MAP2K1: variants seen among roughly 807,000 people sequenced by gnomAD.
MAP2K1 encodes dual specificity mitogen-activated protein kinase kinase 1.
In MAP2K1, 16 loss-of-function variants were observed where a neutral mutation model predicts 46.3. The observed-to-expected ratio is 0.35, with a 90% CI of 0.23 to 0.52. MAP2K1 has a LOEUF of 0.52. MAP2K1 is among the 20% of genes least tolerant of loss of function. MAP2K1 has a pLI of 0.94. For synonymous variants in MAP2K1, 183 were observed against 185.6 expected (o/e 0.99, Z 0.11); for missense variants, 263 against 497.1 (o/e 0.53, Z 4.48).
At chr15:66,441,245 C>T (rs1354357170) in intron 3 of MAP2K1, among the ~76,000 whole-genome samples, 1 of 152,142 alleles carries the variant, frequency 6.6e-6, no homozygotes, top group East Asian at 1.9e-4. Flanking sequence ...GGATTACAGG[C>T]ATGAGCCACT....
chr15:66,478,607 T>A (rs1297469185), intron 5 of MAP2K1, among the ~76,000 whole-genome samples: 1 of 151,462 alleles, frequency 6.6e-6, no homozygotes, highest in Non-Finnish European at 1.5e-5. Flanking sequence ...CAAGCAATTC[T>A]CCTGCCTCAG....
intron 1 of MAP2K1, among the ~76,000 whole-genome samples, chr15:66,390,776 T>G (rs1160031277): frequency 6.6e-6 from 1 of 152,156 alleles, no homozygotes; most frequent in Non-Finnish European, 1.5e-5. Context: ...GTGATCTGCC[T>G]GTTGTCCCCA....
intron 3 of MAP2K1, among the ~76,000 whole-genome samples, chr15:66,437,737 C>T (rs1339201842): frequency 6.6e-6 from 1 of 152,256 alleles, no homozygotes; most frequent in East Asian, 1.9e-4. Flanking sequence ...AACCTCTCTT[C>T]ATTGTAATGA....
Position 66,420,071 on chromosome 15 carries a change from CT to C in MAP2K1, c.81-14955del, listed in dbSNP as rs541523484. 2.0e-4 allele frequency among the ~76,000 whole-genome samples: 31 copies of C among 151,758 alleles called. No individual in the cohort carries two copies. The East Asian group carries it at 5.8e-3, about 29-fold the overall frequency. On this transcript the variant is annotated intron_variant, in intron 1 of 10. Coordinates refer to ENST00000307102, the MANE Select transcript of MAP2K1 (RefSeq NM_002755.4). ...CCACCCTGGCCAATGTGGTGAAATC[CT>C]GTCTCTACTAAAAATACAAAAATTA...
intron 10 of MAP2K1, chr15:66,490,028 C>T (rs889776551): frequency 6.9e-6 from 4 of 582,626 alleles, no homozygotes; most frequent in South Asian, 2.0e-5. Context: ...CAGCCCACCC[C>T]CTTCATGGGG....
chr15:66,484,102 A>G (rs12594592), intron 6 of MAP2K1, among the ~76,000 whole-genome samples: 130,925 of 151,236 alleles, frequency 0.87, 56,696 homozygotes, highest in East Asian at 0.93. Context: ...GTTTTCTTAT[A>G]TCATTGTTAC....
At chr15:66,474,692 G>A (rs1435817698) in intron 5 of MAP2K1, among the ~76,000 whole-genome samples, 3 of 152,080 alleles carry the variant, frequency 2.0e-5, no homozygotes, top group Admixed American at 6.5e-5. Flanking sequence ...TGGCCCTATC[G>A]TTAACTCCCT....
chr15:66,452,287 T>TAAAAAA (rs146502834), intron 5 of MAP2K1, among the ~76,000 whole-genome samples: 5 of 103,530 alleles, frequency 4.8e-5, no homozygotes, highest in Non-Finnish European at 7.3e-5. Flanking sequence ...TAGAGTATAA[T>TAAAAAA]AAAAAAAAAA....
At chr15:66,478,413 T>TAC (rs1253426683) in intron 5 of MAP2K1, among the ~76,000 whole-genome samples, 3 of 124,410 alleles carry the variant, frequency 2.4e-5, no homozygotes, top group Non-Finnish European at 5.6e-5. Context: ...TATATATATA[T>TAC]ACACACAGGT....
intron 1 of MAP2K1, among the ~76,000 whole-genome samples, chr15:66,405,417 A>T (rs2093393997): frequency 1.3e-5 from 2 of 152,170 alleles, no homozygotes; most frequent in Non-Finnish European, 2.9e-5. Context: ...CTGGACCAGC[A>T]CGGATTAGAA....
At chr15:66,443,745 C>T (rs1199260209) in intron 4 of MAP2K1, among the ~76,000 whole-genome samples, 1 of 151,908 alleles carries the variant, frequency 6.6e-6, no homozygotes, top group East Asian at 1.9e-4. Context: ...TGGTGGTGCA[C>T]ACGTGTAGTC....
In MAP2K1 at chr15:66,421,063, C is replaced by G. The variant is rs12910550; in HGVS notation, c.81-13964C>G. 2.7e-3 allele frequency among the ~76,000 whole-genome samples: 383 copies of G among 142,438 alleles called. 2 individuals are homozygous for G. Among genetic ancestry groups the G allele is most frequent in the Middle Eastern group, 0.011 (3 of 282 alleles). The allele number at this position is 142,438 out of a possible 152,430, so 93.4% of individuals were successfully genotyped here. A position where few individuals can be genotyped will look rare whatever the true frequency, so the allele number is the denominator to read the frequency against. ...AATTTTATATATATGTACACACATA[C>G]ACACACACATATATACACATACACA... On this transcript the variant is annotated intron_variant, in intron 1 of 10. Transcript: ENST00000307102.
chr15:66,472,806 C>A (rs981578273), intron 5 of MAP2K1, among the ~76,000 whole-genome samples: 2 of 152,156 alleles, frequency 1.3e-5, no homozygotes, highest in African/African-American at 4.8e-5. Flanking sequence ...TAAGCTGTGA[C>A]CCAGGCACAA....
intron 1 of MAP2K1, among the ~76,000 whole-genome samples, chr15:66,426,810 A>C (rs149122501): frequency 6.6e-6 from 1 of 152,306 alleles, no homozygotes; most frequent in African/African-American, 2.4e-5. Flanking sequence ...TTAAAACTTT[A>C]AAGTTTTGTC....
chr15:66,473,991 A>G (rs1595881369), intron 5 of MAP2K1, among the ~76,000 whole-genome samples: 1 of 152,146 alleles, frequency 6.6e-6, no homozygotes, highest in Admixed American at 6.5e-5. Flanking sequence ...CTAAAAATTT[A>G]GATAATTTAT....
At chr15:66,421,101 CACACACACACACACACACACACACAT>C (rs1380525890) in intron 1 of MAP2K1, among the ~76,000 whole-genome samples, 29 of 40,728 alleles carry the variant, frequency 7.1e-4, no homozygotes, top group African/African-American at 2.4e-3. Context: ...CATACACACA[CACACACACACACACACACACACACAT>C]ATATATATAT....
Position 66,483,997 on chromosome 15 carries a change from C to T in MAP2K1, c.694-993C>T, listed in dbSNP as rs568104189. 3.0e-3 allele frequency among the ~76,000 whole-genome samples: 449 copies of T among 152,202 alleles called. 1 individual carries two copies. The highest frequency in any genetic ancestry group is 0.01 in the African/African-American group (427 of 41,518). On this transcript the variant is annotated intron_variant, in intron 6 of 10. Coordinates refer to ENST00000307102, the MANE Select transcript of MAP2K1 (RefSeq NM_002755.4). ...TCTCCTGACCTTGTGATCCACCCACCTCGGCCTCCCAAAGTGCTGGGGTTA... is the reference window on the plus strand; with the variant it reads ...TCTCCTGACCTTGTGATCCACCCACTTCGGCCTCCCAAAGTGCTGGGGTTA...
chr15:66,401,921 C>T (rs1020339359), intron 1 of MAP2K1: 41 of 1,255,282 alleles, frequency 3.3e-5, no homozygotes, highest in Middle Eastern at 4.1e-4. Context: ...TGCATCGGTT[C>T]GGGTCGAAGG....
rs1893248713 is a variant in MAP2K1 at position 66,491,277 on chromosome 15, C to A, written c.*662C>A. The stretch of plus-strand genomic sequence containing the variant: ...TATTTCTATATTTATTTTCAGTATA[C>A]TGTGTGGGATACTTAGTGGTATGTC... On this transcript the variant is annotated 3_prime_UTR_variant, in exon 11 of 11. Coordinates refer to ENST00000307102, the MANE Select transcript of MAP2K1 (RefSeq NM_002755.4). 4.2e-6 allele frequency: 1 copy of A among 237,450 alleles called. No homozygotes were observed. The highest frequency in any genetic ancestry group is 6.1e-5 in the East Asian group (1 of 16,528). 14.7% of individuals were successfully genotyped at this position (237,450 alleles called of 1,614,324 possible). A position where few individuals can be genotyped will look rare whatever the true frequency, so the allele number is the denominator to read the frequency against.
Sources: allele counts gnomAD v4.1 joint callset (sites outside exome capture counted in the v4.1 genomes callset), GRCh38; gene constraint gnomAD v4.1.1; transcripts MANE v1.5; gene names NCBI Gene and HGNC (gene_info 2026-07-23, HGNC 2026-07-21).